ERG: variants seen among roughly 807,000 people sequenced by gnomAD.
ERG encodes ETS transcription factor ERG.
A neutral mutation model predicts 55.3 loss-of-function variants in ERG; 9 were observed. That is an observed-to-expected ratio of 0.16 (90% CI 0.10 to 0.28). The LOEUF (loss-of-function observed/expected upper bound fraction) is 0.28, where lower values mean the gene tolerates loss of function less well. Ranked by LOEUF, ERG falls within the 10% of genes least tolerant of loss-of-function variation. The probability of loss-of-function intolerance (pLI) is 1.00; values close to 1 mark genes in which losing one functional copy is unlikely to be tolerated. For synonymous variants in ERG, 223 were observed against 237.3 expected, an observed-to-expected ratio of 0.94 and a Z score of 0.55; for missense variants, 434 against 631.6, an observed-to-expected ratio of 0.69 and a Z score of 3.35.
upstream of ERG, among the ~76,000 whole-genome samples, chr21:38,500,176 A>G (rs1295567217): frequency 6.6e-6 from 1 of 152,254 alleles, no homozygotes; most frequent in African/African-American, 2.4e-5. Context: ...GCATCAATGT[A>G]AAATGTTAAC....
chr21:38,498,249 A>C lies in ERG; in HGVS notation c.18+114T>G. Reference sequence around the variant, plus strand: ...TGCAAAGGAAATCTTGTTGTCCTCTATTGTGGCAGTGGGGGTGTTGCCCAA... The same window carrying C: ...TGCAAAGGAAATCTTGTTGTCCTCTCTTGTGGCAGTGGGGGTGTTGCCCAA... On this transcript the variant is annotated intron_variant, in intron 1 of 9. Coordinates refer to ENST00000288319, the MANE Select transcript of ERG (RefSeq NM_182918.4). The surrounding 1 kb of genome is among the most constrained non-coding windows in gnomAD (Gnocchi z 4.6). 1 of 866,878 alleles carries C rather than the reference A, an allele frequency of 1.2e-6. No individual in the cohort carries two copies. The highest frequency in any genetic ancestry group is 1.9e-6 in the Non-Finnish European group (1 of 519,138). 53.7% of individuals were successfully genotyped at this position (866,878 alleles called of 1,614,324 possible). A position where few individuals can be genotyped will look rare whatever the true frequency, so the allele number is the denominator to read the frequency against.
upstream of ERG, among the ~76,000 whole-genome samples, chr21:38,587,356 A>C (rs1324097745): frequency 7.7e-6 from 1 of 129,472 alleles, no homozygotes; most frequent in Non-Finnish European, 1.6e-5. Context: ...AAAGCTGTGC[A>C]AATCTTTTTT....
chr21:38,613,181 TA>T (rs1453075642), intron 1 of ERG, among the ~76,000 whole-genome samples: 1 of 152,224 alleles, frequency 6.6e-6, no homozygotes, highest in East Asian at 1.9e-4. Context: ...ATCATAAACT[TA>T]GTCAAGACTG....
At chr21:38,418,949 AAGAAAG>A (rs1317664999) in intron 3 of ERG, among the ~76,000 whole-genome samples, 34 of 131,202 alleles carry the variant, frequency 2.6e-4, no homozygotes, top group South Asian at 2.4e-4. Flanking sequence ...AAAAAAAAAA[AAGAAAG>A]AAAGAAAAAG....
At chr21:38,581,088 T>G (rs1601274490) in intron 1 of ERG, among the ~76,000 whole-genome samples, 1 of 152,250 alleles carries the variant, frequency 6.6e-6, no homozygotes, top group Non-Finnish European at 1.5e-5. Flanking sequence ...AACAGGCTGG[T>G]GCAGCCCAAA....
chr21:38,530,305 C>T (rs1425761863), intron 2 of ERG, among the ~76,000 whole-genome samples: 1 of 152,150 alleles, frequency 6.6e-6, no homozygotes. Context: ...AGTGATCCAC[C>T]CGCCTCGGCC....
At chr21:38,621,708 G>C (rs76143536) in intron 1 of ERG, among the ~76,000 whole-genome samples, 1 of 152,270 alleles carries the variant, frequency 6.6e-6, no homozygotes, top group East Asian at 1.9e-4. Context: ...CCCCAGAAAG[G>C]AGGGTTAGTC....
At chr21:38,554,155 C>A (rs147355613) in intron 2 of ERG, among the ~76,000 whole-genome samples, 45 of 152,154 alleles carry the variant, frequency 3.0e-4, no homozygotes, top group African/African-American at 9.6e-4. Flanking sequence ...CCAGTCAGAA[C>A]GGCAATTTTA....
intron 2 of ERG, among the ~76,000 whole-genome samples, chr21:38,570,806 G>T (rs1424024667): frequency 1.3e-5 from 2 of 152,118 alleles, no homozygotes; most frequent in East Asian, 3.9e-4. Context: ...GCATCTCTGG[G>T]ATTCACAGCT....
At chr21:38,523,822 T>G (rs545006508) in intron 2 of ERG, among the ~76,000 whole-genome samples, 2 of 152,330 alleles carry the variant, frequency 1.3e-5, no homozygotes, top group South Asian at 4.1e-4. Context: ...ATCGGTACCC[T>G]GAATGGGCTT....
At chr21:38,565,917 A>C (rs1362645244) in intron 2 of ERG, among the ~76,000 whole-genome samples, 2 of 152,200 alleles carry the variant, frequency 1.3e-5, no homozygotes, top group Non-Finnish European at 2.9e-5. Context: ...TGGATCCAAA[A>C]ATATCACAAA....
intron 1 of ERG, among the ~76,000 whole-genome samples, chr21:38,657,780 C>G (rs987700684): frequency 6.6e-6 from 1 of 152,168 alleles, no homozygotes; most frequent in Admixed American, 6.5e-5. Context: ...AACTAATTAA[C>G]TGACCCCTAA....
chr21:38,524,187 G>A lies in ERG; in HGVS notation c.-41+51475C>T, dbSNP rs1485723572. 2.0e-5 allele frequency among the ~76,000 whole-genome samples: 3 copies of A among 152,276 alleles called. 1 individual carries two copies. In the South Asian group the frequency reaches 6.2e-4, roughly 32 times the overall value. ...CTCCAGAGCCCTGCCCACCTGGAAG[G>A]GGTATGGAATGCACTATTTGACTTG... On this transcript the variant is annotated intron_variant, in intron 2 of 8. Coordinates refer to the ERG transcript ENST00000398897.
intron 1 of ERG, among the ~76,000 whole-genome samples, chr21:38,633,039 T>G (rs978958519): frequency 1.3e-5 from 2 of 152,220 alleles, no homozygotes; most frequent in African/African-American, 4.8e-5. Context: ...GGAATATTAT[T>G]CAGCCTTAAA....
intron 1 of ERG, among the ~76,000 whole-genome samples, chr21:38,603,872 G>A (rs2060179808): frequency 6.6e-6 from 1 of 151,968 alleles, no homozygotes; most frequent in South Asian, 2.1e-4. Flanking sequence ...TTGCTGAAAT[G>A]CTGATGAAAT....
intron 2 of ERG, among the ~76,000 whole-genome samples, chr21:38,545,541 C>A (rs2059782716): frequency 6.6e-6 from 1 of 152,188 alleles, no homozygotes; most frequent in Non-Finnish European, 1.5e-5. Context: ...AGAGAAATTT[C>A]TTCTGCCCTA....
chr21:38,559,598 C>T (rs1324200479), intron 2 of ERG, among the ~76,000 whole-genome samples: 2 of 152,044 alleles, frequency 1.3e-5, no homozygotes, highest in Non-Finnish European at 2.9e-5. Flanking sequence ...GGTAATATAA[C>T]AAATAGAGTC....
intron 1 of ERG, among the ~76,000 whole-genome samples, chr21:38,493,576 G>C (rs943551363): frequency 1.3e-5 from 2 of 152,162 alleles, no homozygotes; most frequent in African/African-American, 2.4e-5. Flanking sequence ...TTGTAATTCA[G>C]GAGTAAAGAG....
At chr21:38,643,378 C>T (rs549505665) in intron 1 of ERG, among the ~76,000 whole-genome samples, 2 of 152,308 alleles carry the variant, frequency 1.3e-5, no homozygotes, top group Admixed American at 6.5e-5. Context: ...AGTGAGCCCA[C>T]GTGCACCCCA....
Sources: gnomAD v4.1 joint callset for allele counts (sites outside exome capture counted in the v4.1 genomes callset) on GRCh38, gnomAD v4.1.1 for gene constraint, Gnocchi (gnomAD v3.1) non-coding constraint, MANE v1.5 for transcripts, NCBI Gene and HGNC (gene_info 2026-07-23, HGNC 2026-07-21) for gene names.